Variants in LRRC37B observed in about 807,000 individuals in gnomAD.
LRRC37B encodes the protein leucine rich repeat containing 37B, also known as leucine-rich repeat-containing protein 37B.
In LRRC37B, 28 loss-of-function variants were observed where a neutral mutation model predicts 98.3. The ratio of observed to expected loss-of-function variants is 0.28; its 90% CI spans 0.21 to 0.39. The LOEUF is 0.39. Ranked by LOEUF, LRRC37B falls within the 10% of genes least tolerant of loss-of-function variation. LRRC37B has a pLI of 1.00. For synonymous variants in LRRC37B, 364 were observed against 442.7 expected (o/e 0.82, Z 2.23); for missense variants, 938 against 1,182.7 (o/e 0.79, Z 3.03).
chr17:32,040,779 G>A (rs968228872), intron 7 of LRRC37B: 18 of 836,898 alleles, frequency 2.2e-5, no homozygotes, highest in South Asian at 6.7e-5. Flanking sequence ...GGATGCCGGC[G>A]AGTCCATGAA....
At chr17:32,047,493 A>G (rs1419199858) in intron 8 of LRRC37B, 6 of 470,482 alleles carry the variant, frequency 1.3e-5, no homozygotes, top group African/African-American at 9.9e-5. Flanking sequence ...GCACTGGGCA[A>G]TTGGCCCCTG....
At chr17:32,048,678 C>G (rs975726339) in intron 9 of LRRC37B, among the ~76,000 whole-genome samples, 1 of 152,134 alleles carries the variant, frequency 6.6e-6, no homozygotes, top group African/African-American at 2.4e-5. Context: ...CACAGAACAC[C>G]GAAGGCCAAA....
At chr17:32,027,811 A>C in exon 3 of LRRC37B, 1 of 1,608,074 alleles carries the variant, frequency 6.2e-7, no homozygotes. Flanking sequence ...CTAAGGATTC[A>C]TTTGAAGGCC....
intron 4 of LRRC37B, among the ~76,000 whole-genome samples, chr17:32,031,163 A>T (rs564945868): frequency 6.6e-6 from 1 of 152,274 alleles, no homozygotes; most frequent in South Asian, 2.1e-4. Context: ...CACTTAACAC[A>T]GGTATTTACT....
chr17:32,020,033 C>T (rs571983544), upstream of LRRC37B, among the ~76,000 whole-genome samples: 6 of 152,116 alleles, frequency 3.9e-5, no homozygotes, highest in South Asian at 2.1e-4. Flanking sequence ...TTAGTAGAGA[C>T]GGAGTTTCAG....
At chr17:32,045,659 C>G in intron 7 of LRRC37B, 41 bp from the exon 11 acceptor site, 1 of 1,601,500 alleles carries the variant, frequency 6.2e-7, no homozygotes, top group Non-Finnish European at 8.5e-7. Context: ...CTCAAGTAAC[C>G]GCTTTACCAC....
intron 7 of LRRC37B, chr17:32,042,146 A>G (rs2142258157): frequency 3.3e-6 from 1 of 300,422 alleles, no homozygotes; most frequent in African/African-American, 2.2e-5. Flanking sequence ...ACCAGGAGAC[A>G]GAGGCCAGCT....
chr17:32,047,925 G>A (rs753936900), intron 9 of LRRC37B, 24 bp downstream of exon 12: 20 of 1,614,134 alleles, frequency 1.2e-5, no homozygotes, highest in Admixed American at 1.0e-4. Flanking sequence ...CACCAATGAC[G>A]AGAGTGATGT....
intron 7 of LRRC37B, among the ~76,000 whole-genome samples, chr17:32,039,498 A>T (rs868816984): frequency 6.7e-5 from 3 of 44,922 alleles, no homozygotes; most frequent in African/African-American, 3.3e-4. Context: ...ATATATATAT[A>T]TATATATATA....
chr17:32,039,522 A>ATATATG (rs1567617779), intron 7 of LRRC37B, among the ~76,000 whole-genome samples: 1 of 10,960 alleles, frequency 9.1e-5, no homozygotes, highest in African/African-American at 3.8e-4. Flanking sequence ...ATATATATAT[A>ATATATG]TGTATGTATT....
chr17:32,007,837 C>T (rs56664240), upstream of LRRC37B: 37 of 1,170,744 alleles, frequency 3.2e-5, no homozygotes, highest in Non-Finnish European at 3.9e-5. The surrounding 1 kb of genome is among the most constrained non-coding windows in gnomAD (Gnocchi z 4.1). Context: ...CCACCGCCGC[C>T]GGCCCGCCCC....
At chr17:32,040,576 TG>T in intron 7 of LRRC37B, 1 of 766,434 alleles carries the variant, frequency 1.3e-6, no homozygotes, top group Non-Finnish European at 2.4e-6. Context: ...ACGGAAATGC[TG>T]GCAAGGACCA....
intron 7 of LRRC37B, chr17:32,045,420 C>T (rs1379494604): frequency 3.7e-4 from 128 of 341,480 alleles, no homozygotes; most frequent in Middle Eastern, 8.3e-4. Context: ...ACTTTTGAGT[C>T]GGGAAGAGAT....
At chr17:32,049,281 G>A in exon 10 of LRRC37B, 4 of 1,613,710 alleles carry the variant, frequency 2.5e-6, no homozygotes, top group Middle Eastern at 1.7e-4. Context: ...GCTTCTCAGC[G>A]AGCAGCAGGA....
intron 1 of LRRC37B, among the ~76,000 whole-genome samples, chr17:32,009,287 A>G (rs2142233542): frequency 6.6e-6 from 1 of 151,488 alleles, no homozygotes; most frequent in African/African-American, 2.4e-5. Context: ...TTTGAGGTAG[A>G]GTCTTGCTCT....
At chr17:32,024,386 G>A (rs576685757) in intron 1 of LRRC37B, 222 of 585,858 alleles carry the variant, frequency 3.8e-4, no homozygotes, top group African/African-American at 3.7e-3. Flanking sequence ...TACCATTTTT[G>A]TGTTGATTTG....
chr17:32,017,516 G>A (rs73990712), upstream of LRRC37B, among the ~76,000 whole-genome samples: 1,897 of 152,272 alleles, frequency 0.012, 38 homozygotes, highest in African/African-American at 0.04. Flanking sequence ...TAAAAACTGA[G>A]CTGTGAGACC....
chr17:32,029,256 C>T (rs565391023), intron 3 of LRRC37B, among the ~76,000 whole-genome samples: 2 of 152,268 alleles, frequency 1.3e-5, no homozygotes, highest in Admixed American at 1.3e-4. Context: ...CCTCAGCCTC[C>T]CAAAGTGCTG....
intron 5 of LRRC37B, among the ~76,000 whole-genome samples, chr17:32,032,676 A>T (rs1385515229): frequency 2.0e-5 from 3 of 152,178 alleles, no homozygotes; most frequent in African/African-American, 4.8e-5. Flanking sequence ...GTTTCTGCAG[A>T]TGCTCCTCTC....
Sources: allele counts gnomAD v4.1 joint callset (sites outside exome capture counted in the v4.1 genomes callset), GRCh38; gene constraint gnomAD v4.1.1; non-coding constraint Gnocchi (gnomAD v3.1); transcripts MANE v1.5; gene names NCBI Gene and HGNC (gene_info 2026-07-23, HGNC 2026-07-21).